The following IQGAP1 variants were observed in gnomAD, a reference collection of about 807,000 sequenced individuals.
IQGAP1 encodes IQ motif containing GTPase activating protein 1.
A neutral mutation model predicts 215.6 loss-of-function variants in IQGAP1; 66 were observed. That is an observed-to-expected ratio of 0.31 (90% CI 0.25 to 0.38). IQGAP1 has a LOEUF of 0.38. Ranked by LOEUF, IQGAP1 falls within the 10% of genes least tolerant of loss-of-function variation. The pLI is 1.00. For missense variants in IQGAP1, 1,712 were observed against 1,997.1 expected (o/e 0.86, Z 2.72); for synonymous variants, 772 against 728.7 (o/e 1.06, Z -0.96).
intron 2 of IQGAP1, among the ~76,000 whole-genome samples, chr15:90,411,208 AC>A (rs1440669478): frequency 1.3e-5 from 2 of 152,242 alleles, no homozygotes; most frequent in African/African-American, 4.8e-5. Flanking sequence ...CTTTATTATA[AC>A]TTTTCTCTTT....
chr15:90,390,956 G>A (rs207475688), intron 2 of IQGAP1, 83 bp downstream of exon 2: 7 of 889,712 alleles, frequency 7.9e-6, no homozygotes, highest in Non-Finnish European at 1.3e-5. Flanking sequence ...CTTTGAGGCT[G>A]AACACAGTGG....
At chr15:90,474,341 C>A in intron 22 of IQGAP1, 144 bp from the exon 23 acceptor site, 1 of 783,244 alleles carries the variant, frequency 1.3e-6, no homozygotes, top group Non-Finnish European at 2.1e-6. Context: ...AATAGCCTGA[C>A]ACAGAAGACT....
intron 5 of IQGAP1, among the ~76,000 whole-genome samples, chr15:90,434,223 G>A (rs932692240): frequency 1.3e-5 from 2 of 152,058 alleles, no homozygotes; most frequent in African/African-American, 4.8e-5. Flanking sequence ...GATCACCTGA[G>A]GTCAGGAGTT....
rs1188619166 is a variant in IQGAP1 at position 90,456,211 on chromosome 15, C to G, written c.1672C>G (p.Leu558Val). The change falls in exon 15 of 38, where the codon CTG (leucine) becomes GTG (valine). Residue 558 changes from leucine to valine, a missense_variant. Coordinates refer to ENST00000268182, the MANE Select transcript of IQGAP1 (RefSeq NM_003870.4). ...ALDEGDAQKT[L>V]QALQIPAAKL... ...GGATGAAGGTGATGCCCAAAAGACTCTGCAGGCCCTACAGATTCCTGCAGC... is the reference window on the plus strand; with the variant it reads ...GGATGAAGGTGATGCCCAAAAGACTGTGCAGGCCCTACAGATTCCTGCAGC... The G allele has an allele frequency of 3.7e-6, 6 of 1,613,990 alleles. No homozygotes were observed. Among genetic ancestry groups the G allele is most frequent in the Non-Finnish European group, 5.1e-6 (6 of 1,179,994 alleles).
At position 90,482,130 on chromosome 15, in the gene IQGAP1, G is replaced by C. The variant is rs780376964; in HGVS notation, c.3470+30G>C. On this transcript the variant is annotated intron_variant, in intron 27 of 37. Coordinates refer to ENST00000268182, the MANE Select transcript of IQGAP1 (RefSeq NM_003870.4). ...GTGCCATCAGTTGTCATGACCCCCA[G>C]TAGAACCCAGCACTAAGTGCCTTTC... is the stretch of plus-strand genomic sequence containing the variant. The C allele has an allele frequency of 5.6e-6, 9 of 1,614,092 alleles. No individual in the cohort carries two copies. The African/African-American group carries it at 1.1e-4, about 19-fold the overall frequency.
chr15:90,391,079 A>G (rs995288377), intron 2 of IQGAP1: 3 of 444,846 alleles, frequency 6.7e-6, no homozygotes, highest in African/African-American at 6.0e-5. Context: ...CTACAAAAAA[A>G]TTTTAAAAAT....
chr15:90,468,699 T>C (rs911456580), intron 18 of IQGAP1, among the ~76,000 whole-genome samples: 2 of 151,902 alleles, frequency 1.3e-5, no homozygotes, highest in Non-Finnish European at 2.9e-5. Context: ...GGCATAGTGG[T>C]GTGTGTCTGT....
intron 2 of IQGAP1, among the ~76,000 whole-genome samples, chr15:90,418,208 A>G (rs1200223489): frequency 1.3e-5 from 2 of 152,150 alleles, no homozygotes. Flanking sequence ...GTGTCAGAAT[A>G]GACACCTTTT....
In IQGAP1 at chr15:90,481,836, G is replaced by A. The variant is rs987644077; in HGVS notation, c.3330-124G>A. 3.9e-5 allele frequency: 39 copies of A among 992,484 alleles called. No individual in the cohort carries two copies. In the South Asian group the frequency reaches 4.7e-4, roughly 12 times the overall value. The allele number at this position is 992,484 out of a possible 1,614,324, so 61.5% of individuals were successfully genotyped here. A position where few individuals can be genotyped will look rare whatever the true frequency, so the allele number is the denominator to read the frequency against. On this transcript the variant is annotated intron_variant, in intron 26 of 37. Coordinates refer to ENST00000268182, the MANE Select transcript of IQGAP1 (RefSeq NM_003870.4). ...TCTAGACTTATCACTTACCAGCCCC[G>A]TGAGGATGAGCTTAAGCTATCTAAT... is the stretch of plus-strand genomic sequence containing the variant.
In IQGAP1 at chr15:90,456,296, C is replaced by A. The variant is rs761198937; in HGVS notation, c.1757C>A (p.Ala586Glu). ...CATTACCAAGACACGCTGATTAGAGCGAAGAGAGAGAAAGCCCAGGTGAGT... is the reference window on the plus strand; with the variant it reads ...CATTACCAAGACACGCTGATTAGAGAGAAGAGAGAGAAAGCCCAGGTGAGT... Reference protein sequence around the residue: ...AQHYQDTLIRAKREKAQEIQD... With the variant: ...AQHYQDTLIREKREKAQEIQD... The change falls in exon 15 of 38, where the codon GCG (alanine) becomes GAG (glutamate). Residue 586 changes from alanine (A) to glutamate (E), a missense_variant. By Grantham distance (107) the Ala-to-Glu change is moderately radical. Around this residue, in one of 2 missense-constraint regions of IQGAP1, gnomAD observed 1,021 missense variants for 1,074.2 expected, o/e 0.95. Transcript: ENST00000268182. 1.9e-6 allele frequency: 3 copies of A among 1,613,878 alleles called. No individual in the cohort carries two copies. Among genetic ancestry groups the A allele is most frequent in the Non-Finnish European group, 2.5e-6 (3 of 1,179,884 alleles).
intron 35 of IQGAP1, among the ~76,000 whole-genome samples, chr15:90,493,722 T>C (rs1966237257): frequency 6.6e-6 from 1 of 152,206 alleles, no homozygotes; most frequent in African/African-American, 2.4e-5. Context: ...GGGTCAGGCA[T>C]GGGTGATGGA....
chr15:90,407,447 T>C (rs1025496205), intron 2 of IQGAP1, among the ~76,000 whole-genome samples: 1 of 152,204 alleles, frequency 6.6e-6, no homozygotes, highest in Non-Finnish European at 1.5e-5. Flanking sequence ...TTGTCAGATG[T>C]GGTGCCAGGG....
intron 5 of IQGAP1, 122 bp downstream of exon 5, chr15:90,433,917 G>A: frequency 1.9e-6 from 1 of 529,996 alleles, no homozygotes; most frequent in South Asian, 3.1e-5. Flanking sequence ...GTTCCAAATA[G>A]GATAAAATAC....
chr15:90,399,010 A>C, intron 2 of IQGAP1, among the ~76,000 whole-genome samples: 1 of 151,262 alleles, frequency 6.6e-6, no homozygotes, highest in Non-Finnish European at 1.5e-5. Flanking sequence ...GTCTCAAAAA[A>C]AAAAAAAAAA....
At chr15:90,493,560 GTT>G (rs1302137340) in intron 35 of IQGAP1, among the ~76,000 whole-genome samples, 6 of 152,326 alleles carry the variant, frequency 3.9e-5, no homozygotes, top group African/African-American at 1.4e-4. Context: ...TATTTTAAGA[GTT>G]TTCAAATCTC....
At position 90,415,945 on chromosome 15, in the gene IQGAP1, C is replaced by T. The variant is rs73476868; in HGVS notation, c.156-10165C>T. ...CTACTTCTCTACCACAGTGACTTAC[C>T]GTTCCCTGAATGTGCCATTTGTTTT... On this transcript the variant is annotated intron_variant, in intron 2 of 37. Coordinates refer to ENST00000268182, the MANE Select transcript of IQGAP1 (RefSeq NM_003870.4). 2.7e-4 allele frequency among the ~76,000 whole-genome samples: 41 copies of T among 151,196 alleles called. 1 individual carries two copies. Among genetic ancestry groups the T allele is most frequent in the Middle Eastern group, 3.4e-3 (1 of 294 alleles).
chr15:90,423,434 T>C (rs1193677514), intron 2 of IQGAP1, among the ~76,000 whole-genome samples: 2 of 151,980 alleles, frequency 1.3e-5, no homozygotes, highest in African/African-American at 2.4e-5. Context: ...GGTTTCGCCA[T>C]GTTGTCCAGG....
intron 11 of IQGAP1, among the ~76,000 whole-genome samples, chr15:90,451,539 G>A (rs954947784): frequency 5.3e-5 from 8 of 152,096 alleles, no homozygotes; most frequent in African/African-American, 1.9e-4. Flanking sequence ...GCACAAAGCC[G>A]TTGATGAGAC....
intron 9 of IQGAP1, among the ~76,000 whole-genome samples, chr15:90,448,185 G>A (rs1027096544): frequency 2.0e-5 from 3 of 152,174 alleles, no homozygotes; most frequent in East Asian, 3.8e-4. Context: ...AAGTGGCCAC[G>A]GGAGATACTT....
Sources: gnomAD v4.1 joint callset for allele counts (sites outside exome capture counted in the v4.1 genomes callset) on GRCh38, gnomAD v4.1.1 for gene constraint, gnomAD v4.1.1 regional missense constraint, MANE v1.5 for transcripts, NCBI Gene and HGNC (gene_info 2026-07-23, HGNC 2026-07-21) for gene names.